IDO2: variants seen among roughly 807,000 people sequenced by gnomAD.
IDO2 encodes the protein indoleamine 2,3-dioxygenase 2, also known as indoleamine 2,3-dioxygenase-like 1 protein.
Under a neutral mutation model 45.1 loss-of-function variants are expected in IDO2, and 46 were observed. The ratio of observed to expected loss-of-function variants is 1.02; its 90% CI spans 0.80 to 1.30. IDO2 has a LOEUF of 1.30. Ranked by LOEUF, IDO2 falls within the 50% of genes most tolerant of loss-of-function variation. The pLI is 0.00. For synonymous variants in IDO2, 218 were observed against 184.9 expected, an observed-to-expected ratio of 1.18 and a Z score of -1.45; for missense variants, 544 against 491.8, an observed-to-expected ratio of 1.11 and a Z score of -1.00.
chr8:39,986,714 A>G (rs927560181), intron 6 of IDO2, among the ~76,000 whole-genome samples: 5 of 151,102 alleles, frequency 3.3e-5, no homozygotes, highest in Middle Eastern at 3.4e-3. Flanking sequence ...AGATAGATAG[A>G]TAGACGGAAT....
At chr8:39,956,216 G>A (rs1392154868) in intron 2 of IDO2, among the ~76,000 whole-genome samples, 4 of 151,890 alleles carry the variant, frequency 2.6e-5, no homozygotes, top group Non-Finnish European at 2.9e-5. Flanking sequence ...GCACCACCAT[G>A]CCTGGCTAAT....
At chr8:39,982,869 C>A in intron 5 of IDO2, 99 bp downstream of exon 5, 3 of 764,222 alleles carry the variant, frequency 3.9e-6, no homozygotes, top group Admixed American at 3.0e-5. Flanking sequence ...TATGGTCTGC[C>A]GTATGGTTCC....
At chr8:39,992,319 G>A (rs1218416508) in intron 8 of IDO2, among the ~76,000 whole-genome samples, 2 of 152,164 alleles carry the variant, frequency 1.3e-5, no homozygotes, top group Non-Finnish European at 2.9e-5. Context: ...CTGTGCAAAC[G>A]ACACAGGCAA....
chr8:40,001,916 G>T (rs756606619), intron 8 of IDO2, among the ~76,000 whole-genome samples: 2 of 152,042 alleles, frequency 1.3e-5, no homozygotes, highest in Non-Finnish European at 2.9e-5. Context: ...CTCCCAAGTA[G>T]CTGTGATAAT....
intron 5 of IDO2, 90 bp from the exon 6 acceptor site, chr8:39,985,418 A>T: frequency 8.7e-7 from 1 of 1,149,806 alleles, no homozygotes; most frequent in Non-Finnish European, 1.3e-6. Flanking sequence ...ATGTGACCCT[A>T]GAAGTTATTA....
Position 39,963,662 on chromosome 8 carries a change from CAATT to C in IDO2, c.155_158del (p.Gln52ArgfsTer17). 3.1e-6 allele frequency: 5 copies of C among 1,612,374 alleles called. No individual in the cohort carries two copies. The highest frequency in any genetic ancestry group is 3.4e-6 in the Non-Finnish European group (4 of 1,178,866). On this transcript the variant is annotated frameshift_variant, in exon 3 of 11. Transcript: ENST00000502986. LOFTEE classifies it high-confidence loss of function. ...GATGGAAATTGCCAACAAACTTCCT[CAATT>C]GATTGATGCTCACCAGCTTCAAGCT... is the stretch of plus-strand genomic sequence containing the variant.
chr8:39,974,342 G>A (rs770617109), intron 3 of IDO2, among the ~76,000 whole-genome samples: 3 of 152,194 alleles, frequency 2.0e-5, no homozygotes, highest in Non-Finnish European at 4.4e-5. Context: ...TTGGCACATA[G>A]CAAAATGATT....
chr8:39,993,219 G>A (rs569016002), intron 8 of IDO2, among the ~76,000 whole-genome samples: 4 of 152,020 alleles, frequency 2.6e-5, no homozygotes, highest in African/African-American at 9.6e-5. Context: ...AGATTATTAA[G>A]ACATGTGTTT....
At chr8:39,950,875 G>C (rs1000748668) in intron 2 of IDO2, among the ~76,000 whole-genome samples, 1 of 152,130 alleles carries the variant, frequency 6.6e-6, no homozygotes, top group Non-Finnish European at 1.5e-5. Flanking sequence ...AGACATGCCG[G>C]AGCAAGCTAC....
chr8:39,971,011 C>G (rs559227300), intron 3 of IDO2, among the ~76,000 whole-genome samples: 4 of 151,740 alleles, frequency 2.6e-5, no homozygotes, highest in Non-Finnish European at 5.9e-5. Context: ...TGATCCACCC[C>G]CCTTGGCCTC....
intron 3 of IDO2, among the ~76,000 whole-genome samples, chr8:39,967,202 C>A (rs970427651): frequency 1.3e-5 from 2 of 152,024 alleles, no homozygotes; most frequent in Non-Finnish European, 2.9e-5. Context: ...TACAGGTGAT[C>A]CAAATTCCTT....
chr8:40,009,308 C>A (rs973886675), intron 9 of IDO2, among the ~76,000 whole-genome samples: 1 of 152,196 alleles, frequency 6.6e-6, no homozygotes, highest in Non-Finnish European at 1.5e-5. Context: ...AGCCACCACA[C>A]CTGGCCTTTT....
intron 2 of IDO2, among the ~76,000 whole-genome samples, chr8:39,961,426 G>C (rs1214964953): frequency 6.9e-6 from 1 of 145,750 alleles, no homozygotes; most frequent in Non-Finnish European, 1.5e-5. Flanking sequence ...AGGTTCAAGC[G>C]ATTCTCCTAC....
At chr8:39,983,829 C>T (rs1471685386) in intron 5 of IDO2, among the ~76,000 whole-genome samples, 4 of 150,540 alleles carry the variant, frequency 2.7e-5, no homozygotes, top group Admixed American at 2.0e-4. Flanking sequence ...CATGCCATTG[C>T]ACTCCAGCCT....
chr8:39,977,460 A>G (rs1171266293), intron 3 of IDO2, among the ~76,000 whole-genome samples: 1 of 152,212 alleles, frequency 6.6e-6, no homozygotes, highest in East Asian at 1.9e-4. Context: ...GATTGTTCCA[A>G]CCCAGAAGTT....
chr8:39,952,627 A>G (rs141979243), intron 2 of IDO2, among the ~76,000 whole-genome samples: 30 of 152,226 alleles, frequency 2.0e-4, no homozygotes, highest in African/African-American at 7.0e-4. Flanking sequence ...ACGTGTGTAG[A>G]GGGGGCATGG....
At chr8:39,952,138 A>T (rs1407900431) in intron 2 of IDO2, among the ~76,000 whole-genome samples, 1 of 152,138 alleles carries the variant, frequency 6.6e-6, no homozygotes. Context: ...GCAGACGGAC[A>T]TTTTCATCAA....
intron 8 of IDO2, among the ~76,000 whole-genome samples, chr8:40,001,460 G>GGTC (rs773612990): frequency 1.0e-3 from 159 of 151,834 alleles, no homozygotes; most frequent in Non-Finnish European, 1.8e-3. Flanking sequence ...ATGTTGGCCA[G>GGTC]ACTGGTCTCA....
chr8:40,002,747 T>C (rs943924905), intron 8 of IDO2, among the ~76,000 whole-genome samples: 6 of 152,000 alleles, frequency 3.9e-5, no homozygotes, highest in African/African-American at 1.4e-4. Flanking sequence ...GCCACTGTAC[T>C]CCAGCCTGGG....
Sources: allele counts gnomAD v4.1 joint callset (sites outside exome capture counted in the v4.1 genomes callset), GRCh38; gene constraint gnomAD v4.1.1; transcripts MANE v1.5; gene names NCBI Gene and HGNC (gene_info 2026-07-23, HGNC 2026-07-21).